The following ZNF431 variants were observed in gnomAD, a reference collection of about 807,000 sequenced individuals.
ZNF431 encodes the protein zinc finger protein 431.
A neutral mutation model predicts 57.0 loss-of-function variants in ZNF431; 34 were observed. The ratio of observed to expected loss-of-function variants is 0.60; its 90% CI spans 0.45 to 0.79. The LOEUF is 0.79. ZNF431 is among the 30% of genes least tolerant of loss of function. The pLI is 0.00. For synonymous variants in ZNF431, 207 were observed against 220.3 expected, an observed-to-expected ratio of 0.94 and a Z score of 0.54; for missense variants, 607 against 667.1, an observed-to-expected ratio of 0.91 and a Z score of 0.99.
At chr19:21,147,064 T>C (rs1317854486) in intron 2 of ZNF431, among the ~76,000 whole-genome samples, 1 of 152,258 alleles carries the variant, frequency 6.6e-6, no homozygotes, top group African/African-American at 2.4e-5. Flanking sequence ...TCATCTTCCA[T>C]TAGTTCAGTC....
intron 2 of ZNF431, among the ~76,000 whole-genome samples, chr19:21,151,367 T>TA (rs1970268388): frequency 6.6e-6 from 1 of 152,190 alleles, no homozygotes; most frequent in African/African-American, 2.4e-5. Context: ...AGTGCTCTTT[T>TA]AAAAAGTCCT....
At chr19:21,175,328 T>C (rs1971019688) in intron 4 of ZNF431, 2 of 646,506 alleles carry the variant, frequency 3.1e-6, no homozygotes, top group African/African-American at 3.7e-5. Flanking sequence ...GTTCTGAGAT[T>C]ACATTATTTT....
chr19:21,178,758 G>A (rs1971127071), intron 4 of ZNF431, among the ~76,000 whole-genome samples: 1 of 151,334 alleles, frequency 6.6e-6, no homozygotes. Flanking sequence ...GAGAATTTTT[G>A]CATTGATGTT....
chr19:21,145,205 G>A (rs1970049037), intron 2 of ZNF431, among the ~76,000 whole-genome samples: 1 of 152,208 alleles, frequency 6.6e-6, no homozygotes, highest in Non-Finnish European at 1.5e-5. Context: ...CACCTATGCG[G>A]TGGCTCATGC....
intron 2 of ZNF431, among the ~76,000 whole-genome samples, chr19:21,162,201 T>G (rs1277854269): frequency 6.6e-6 from 1 of 151,314 alleles, no homozygotes; most frequent in African/African-American, 2.4e-5. Context: ...TGAAATGGAG[T>G]CTAGCTCTGT....
In ZNF431 at chr19:21,195,711, T is replaced by C. The variant is rs2145087604; in HGVS notation, c.*11677T>C. 6.6e-6 allele frequency: 1 copy of C among 152,340 alleles called. No individual in the cohort carries two copies. Among genetic ancestry groups the C allele is most frequent in the Admixed American group, 6.5e-5 (1 of 15,300 alleles). 9.4% of individuals were successfully genotyped at this position (152,340 alleles called of 1,614,324 possible). A position where few individuals can be genotyped will look rare whatever the true frequency, so the allele number is the denominator to read the frequency against. On this transcript the variant is annotated 3_prime_UTR_variant, in exon 5 of 5. Transcript: ENST00000311048. ...ATAGTTGATTGTCATTTGCATTATCTATTAAAAACCTGTGGCAGCTCATGG... is the reference window on the plus strand; with the variant it reads ...ATAGTTGATTGTCATTTGCATTATCCATTAAAAACCTGTGGCAGCTCATGG...
At chr19:21,180,746 A>G (rs988515466) in intron 4 of ZNF431, among the ~76,000 whole-genome samples, 8 of 151,602 alleles carry the variant, frequency 5.3e-5, no homozygotes, top group African/African-American at 1.9e-4. Flanking sequence ...CAAGAGATCG[A>G]GACCACCCTG....
chr19:21,175,858 C>CAA (rs1971034415), intron 4 of ZNF431, among the ~76,000 whole-genome samples: 1 of 152,172 alleles, frequency 6.6e-6, no homozygotes, highest in East Asian at 1.9e-4. Context: ...CATGTCTTTG[C>CAA]TATTGTGAAT....
chr19:21,181,036 A>G (rs1971197352), intron 4 of ZNF431, among the ~76,000 whole-genome samples: 2 of 151,344 alleles, frequency 1.3e-5, no homozygotes. Context: ...CTAATTGTAT[A>G]TTTTATGTTG....
chr19:21,166,654 A>T (rs1166076971), intron 3 of ZNF431, among the ~76,000 whole-genome samples, 193 bp downstream of exon 3: 1 of 152,192 alleles, frequency 6.6e-6, no homozygotes, highest in Non-Finnish European at 1.5e-5. Flanking sequence ...AACTTTCCAC[A>T]TTCCTGAGCT....
intron 2 of ZNF431, among the ~76,000 whole-genome samples, chr19:21,148,752 G>A (rs1568295807): frequency 6.6e-6 from 1 of 152,144 alleles, no homozygotes; most frequent in Non-Finnish European, 1.5e-5. Context: ...TACTTTTGAT[G>A]AAAACCTTGG....
intron 2 of ZNF431, chr19:21,162,596 C>A: frequency 2.3e-6 from 1 of 429,900 alleles, no homozygotes; most frequent in Non-Finnish European, 3.1e-6. Context: ...ATGACCACCA[C>A]ACCCGACCAG....
At chr19:21,166,814 ATAGT>A (rs1451631674) in intron 3 of ZNF431, among the ~76,000 whole-genome samples, 4 of 152,192 alleles carry the variant, frequency 2.6e-5, no homozygotes, top group African/African-American at 9.7e-5. Flanking sequence ...TATTTTCTAA[ATAGT>A]TAGAGATGTC....
At chr19:21,179,735 T>C (rs1362226045) in intron 4 of ZNF431, among the ~76,000 whole-genome samples, 1 of 152,038 alleles carries the variant, frequency 6.6e-6, no homozygotes, top group Non-Finnish European at 1.5e-5. Context: ...AATTTTTATA[T>C]TTTTAGTAGA....
At chr19:21,165,130 C>A (rs1970685160) in intron 2 of ZNF431, among the ~76,000 whole-genome samples, 1 of 151,888 alleles carries the variant, frequency 6.6e-6, no homozygotes, top group Admixed American at 6.6e-5. Context: ...TGCACCAGAC[C>A]CTTCTCTACA....
chr19:21,191,716 T>G lies in ZNF431; in HGVS notation c.*7682T>G, dbSNP rs1020205543. The G allele has an allele frequency of 2.0e-5, 3 of 152,210 alleles. No individual in the cohort carries two copies. The highest frequency in any genetic ancestry group is 1.3e-4 in the Admixed American group (2 of 15,282). The allele number at this position is 152,210 out of a possible 1,614,324, so 9.4% of individuals were successfully genotyped here. On this transcript the variant is annotated 3_prime_UTR_variant, in exon 5 of 5. Transcript: ENST00000311048. ...AAATACATGGATATATTTCTGCTGT[T>G]TTTTTCTTCTGCTCCATTGACCTAT... is the stretch of plus-strand genomic sequence containing the variant.
chr19:21,186,436 A>C lies in ZNF431; in HGVS notation c.*2402A>C, dbSNP rs1971376771. The C allele has an allele frequency of 6.6e-6, 1 of 152,334 alleles. No individual in the cohort carries two copies. Among genetic ancestry groups the C allele is most frequent in the Admixed American group, 6.5e-5 (1 of 15,294 alleles). 9.4% of individuals were successfully genotyped at this position (152,334 alleles called of 1,614,324 possible). ...AATCTTAGGTGTAAGAAAATTATGG[A>C]GTTAAGTATGTGTGTGTGAGTATGA... On this transcript the variant is annotated 3_prime_UTR_variant, in exon 5 of 5. Transcript: ENST00000311048.
rs537869132 is a variant in ZNF431 at position 21,191,203 on chromosome 19, C to G, written c.*7169C>G. On this transcript the variant is annotated 3_prime_UTR_variant, in exon 5 of 5. Transcript: ENST00000311048. ...GGCGCAGTGGCTCACACCTGTAATC[C>G]CAGCACTTTGGGAGGCCGAGGCAGG... The G allele has an allele frequency of 3.4e-4, 52 of 151,948 alleles. No individual in the cohort carries two copies. The highest frequency in any genetic ancestry group is 1.1e-3 in the African/African-American group (46 of 41,336). The allele number at this position is 151,948 out of a possible 1,614,324, so 9.4% of individuals were successfully genotyped here. A position where few individuals can be genotyped will look rare whatever the true frequency, so the allele number is the denominator to read the frequency against.
chr19:21,183,978 A>C lies in ZNF431; in HGVS notation c.1675A>C (p.Asn559His). The C allele has an allele frequency of 6.3e-7, 1 of 1,591,554 alleles. No homozygotes were observed. Among genetic ancestry groups the C allele is most frequent in the South Asian group, 1.2e-5 (1 of 86,566 alleles). The change falls in exon 5 of 5, where the codon AAT becomes CAT. Residue 559 changes from asparagine to histidine, a missense_variant. Physicochemically the swap from Asn to His is moderately conservative, Grantham distance 68 (BLOSUM62 1). Coordinates refer to ENST00000311048, the MANE Select transcript of ZNF431 (RefSeq NM_133473.4). ...FNQSSNLIKQ[N>H]NSYWRETLQM... ...CCAGTCCTCAAACCTTATTAAACAA[A>C]ATAATTCATACTGGAGAGAAACTCT...
Sources: allele counts gnomAD v4.1 joint callset (sites outside exome capture counted in the v4.1 genomes callset), GRCh38; gene constraint gnomAD v4.1.1; transcripts MANE v1.5; gene names NCBI Gene and HGNC (gene_info 2026-07-23, HGNC 2026-07-21).